Variants in HIF1AN observed in about 807,000 individuals in gnomAD.
HIF1AN encodes the protein hypoxia-inducible factor 1-alpha inhibitor.
In HIF1AN, 21 loss-of-function variants were observed where a neutral mutation model predicts 47.7. That is an observed-to-expected ratio of 0.44 (90% CI 0.31 to 0.63). The LOEUF is 0.63. HIF1AN is among the 30% of genes least tolerant of loss of function. The probability of loss-of-function intolerance (pLI) is 0.07; values close to 1 mark genes in which losing one functional copy is unlikely to be tolerated. For synonymous variants in HIF1AN, 152 were observed against 155.9 expected (o/e 0.98, Z 0.18); for missense variants, 320 against 432.7 (o/e 0.74, Z 2.31).
Position 100,557,565 on chromosome 10 carries a change from C to G in HIF1AN, c.*9428C>G, listed in dbSNP as rs1299633085. The G allele has an allele frequency of 6.6e-6, 1 of 152,260 alleles. No homozygotes were observed. The highest frequency in any genetic ancestry group is 1.9e-4 in the East Asian group (1 of 5,196). The allele number at this position is 152,260 out of a possible 1,614,324, so 9.4% of individuals were successfully genotyped here. On this transcript the variant is annotated 3_prime_UTR_variant, in exon 8 of 8. Transcript: ENST00000299163. ...CCAGGTTCAAGCAATTCTGCCTCAG[C>G]CTCCCGAGTAGCTGGGACTCAGGCG... is the stretch of plus-strand genomic sequence containing the variant.
chr10:100,554,341 AT>A lies in HIF1AN; in HGVS notation c.*6206del, dbSNP rs1843195445. The A allele has an allele frequency of 6.6e-6, 1 of 152,126 alleles. No homozygotes were observed. The highest frequency in any genetic ancestry group is 2.4e-5 in the African/African-American group (1 of 41,404). 9.4% of individuals were successfully genotyped at this position (152,126 alleles called of 1,614,324 possible). Reference sequence around the variant, plus strand: ...AGTCCATGCCTTTCCATGTATTTAAATTATATAAGTGTTGGCCAGGTGTGGT... The same window carrying A: ...AGTCCATGCCTTTCCATGTATTTAAATATATAAGTGTTGGCCAGGTGTGGT... On this transcript the variant is annotated 3_prime_UTR_variant, in exon 8 of 8. Coordinates refer to ENST00000299163, the MANE Select transcript of HIF1AN (RefSeq NM_017902.3).
At chr10:100,536,718 A>T in intron 2 of HIF1AN, 57 bp downstream of exon 2, 3 of 1,591,932 alleles carry the variant, frequency 1.9e-6, no homozygotes, top group Non-Finnish European at 2.6e-6. Context: ...TTTCTTTCCT[A>T]TACTTGTTTG....
At chr10:100,538,710 A>T (rs760797606) in intron 2 of HIF1AN, among the ~76,000 whole-genome samples, 3 of 151,568 alleles carry the variant, frequency 2.0e-5, no homozygotes, top group Non-Finnish European at 2.9e-5. Flanking sequence ...AGTCTCAGCT[A>T]CTTGGGAGAC....
chr10:100,546,074 G>T (rs1410470856), intron 5 of HIF1AN, 25 bp downstream of exon 5: 1 of 1,465,910 alleles, frequency 6.8e-7, no homozygotes, highest in Non-Finnish European at 9.5e-7. Flanking sequence ...AGGGCTGGGG[G>T]CTTTTTGGGA....
At chr10:100,539,251 AATG>A (rs1421419596) in intron 2 of HIF1AN, among the ~76,000 whole-genome samples, 1 of 152,104 alleles carries the variant, frequency 6.6e-6, no homozygotes, top group Non-Finnish European at 1.5e-5. Flanking sequence ...CTTTTGAAAT[AATG>A]ATCTCAGGAC....
chr10:100,544,512 A>G (rs548623531), intron 3 of HIF1AN, among the ~76,000 whole-genome samples: 50 of 152,374 alleles, frequency 3.3e-4, no homozygotes, highest in African/African-American at 1.1e-3. Context: ...ACAGAGCTAC[A>G]TAATCATACA....
intron 3 of HIF1AN, among the ~76,000 whole-genome samples, chr10:100,541,857 A>G (rs2133724250): frequency 6.6e-6 from 1 of 152,350 alleles, no homozygotes; most frequent in South Asian, 2.1e-4. Flanking sequence ...ACCATAGAGT[A>G]TAGTTACACA....
intron 1 of HIF1AN, 37 bp from the exon 2 acceptor site, chr10:100,536,374 C>CTTCA (rs1852221659): frequency 1.5e-5 from 24 of 1,606,946 alleles, no homozygotes; most frequent in Non-Finnish European, 1.9e-5. Flanking sequence ...CTTGGCATTA[C>CTTCA]TTCATTTGGT....
intron 2 of HIF1AN, 104 bp downstream of exon 2, chr10:100,536,765 T>G (rs1852228550): frequency 2.4e-6 from 3 of 1,243,468 alleles, no homozygotes; most frequent in Non-Finnish European, 3.4e-6. Flanking sequence ...GAGATTGGCC[T>G]CTCCCATCTC....
At chr10:100,547,494 C>G (rs559610834) in intron 7 of HIF1AN, among the ~76,000 whole-genome samples, 1 of 152,334 alleles carries the variant, frequency 6.6e-6, no homozygotes, top group East Asian at 1.9e-4. Context: ...TCTGGGGACC[C>G]CCTGAGGGGA....
intron 3 of HIF1AN, among the ~76,000 whole-genome samples, chr10:100,544,068 T>C (rs746715664): frequency 1.3e-5 from 2 of 152,182 alleles, no homozygotes; most frequent in Non-Finnish European, 2.9e-5. Flanking sequence ...CCTGCAAAAG[T>C]GTGTGTTCAA....
chr10:100,537,451 C>T (rs1176196435), intron 2 of HIF1AN, among the ~76,000 whole-genome samples: 2 of 152,154 alleles, frequency 1.3e-5, no homozygotes, highest in Non-Finnish European at 2.9e-5. Flanking sequence ...GAGGATAGTT[C>T]AACCTGAAAA....
Position 100,554,140 on chromosome 10 carries a change from A to C in HIF1AN, c.*6003A>C, listed in dbSNP as rs1449713656. The C allele has an allele frequency of 3.3e-5, 5 of 152,146 alleles. No individual in the cohort carries two copies. The highest frequency in any genetic ancestry group is 1.2e-4 in the African/African-American group (5 of 41,416). The allele number at this position is 152,146 out of a possible 1,614,324, so 9.4% of individuals were successfully genotyped here. A position where few individuals can be genotyped will look rare whatever the true frequency, so the allele number is the denominator to read the frequency against. On this transcript the variant is annotated 3_prime_UTR_variant, in exon 8 of 8. Coordinates refer to ENST00000299163, the MANE Select transcript of HIF1AN (RefSeq NM_017902.3). ...TCTTCTGCCTGGGCAGCCAGACTTT[A>C]CTGCTGTACTACCAGCCCAGGGCCT...
intron 2 of HIF1AN, among the ~76,000 whole-genome samples, chr10:100,537,008 G>T (rs1852232438): frequency 6.6e-6 from 1 of 152,190 alleles, no homozygotes; most frequent in Non-Finnish European, 1.5e-5. Context: ...TCAGTGATGA[G>T]GCTGAAGGCA....
intron 2 of HIF1AN, among the ~76,000 whole-genome samples, chr10:100,537,159 C>G (rs1852234678): frequency 6.6e-6 from 1 of 152,120 alleles, no homozygotes; most frequent in Non-Finnish European, 1.5e-5. Flanking sequence ...GAGAGCTAGT[C>G]TCTGCAAAAT....
chr10:100,544,152 G>A (rs192012568), intron 3 of HIF1AN, among the ~76,000 whole-genome samples: 5 of 152,302 alleles, frequency 3.3e-5, no homozygotes. Flanking sequence ...ATACACTAGG[G>A]CACAACTAAT....
rs1184984697 is a variant in HIF1AN at position 100,537,709 on chromosome 10, CCT to C, written c.428+1052_428+1053del. ...CGCTCAGTACTTCACGGTGAATTACCCTCTCGCATTTGGTGTCCAACCCTGGG... is the reference window on the plus strand; with the variant it reads ...CGCTCAGTACTTCACGGTGAATTACCCTCGCATTTGGTGTCCAACCCTGGG... On this transcript the variant is annotated intron_variant, in intron 2 of 7. Transcript: ENST00000299163. Among the ~76,000 whole-genome samples, 4 of 152,300 alleles carry C rather than the reference CCT, an allele frequency of 2.6e-5. No individual in the cohort carries two copies. The East Asian group carries it at 7.7e-4, about 29-fold the overall frequency.
At position 100,548,262 on chromosome 10, in the gene HIF1AN, T is replaced by A. The variant is rs1019415574; in HGVS notation, c.*125T>A. ...CACTTAATGGACTGGACTCTTGCCA[T>A]GGCCCAGGAGTCAGGTGTTTGGAGC... On this transcript the variant is annotated 3_prime_UTR_variant, in exon 8 of 8. Coordinates refer to ENST00000299163, the MANE Select transcript of HIF1AN (RefSeq NM_017902.3). The A allele has an allele frequency of 6.2e-6, 5 of 811,846 alleles. No homozygotes were observed. The African/African-American group carries it at 8.9e-5, about 14-fold the overall frequency. The allele number at this position is 811,846 out of a possible 1,614,324, so 50.3% of individuals were successfully genotyped here.
At chr10:100,543,348 C>T (rs1003826154) in intron 3 of HIF1AN, among the ~76,000 whole-genome samples, 5 of 152,166 alleles carry the variant, frequency 3.3e-5, no homozygotes, top group Admixed American at 1.3e-4. Flanking sequence ...AGCCACCATG[C>T]TTGGCTAATT....
Sources: gnomAD v4.1 joint callset for allele counts (sites outside exome capture counted in the v4.1 genomes callset) on GRCh38, gnomAD v4.1.1 for gene constraint, MANE v1.5 for transcripts, NCBI Gene and HGNC (gene_info 2026-07-23, HGNC 2026-07-21) for gene names.